Variants in INPPL1 observed in about 807,000 individuals in gnomAD.
The protein encoded by INPPL1 is inositol polyphosphate phosphatase like 1.
Under a neutral mutation model 139.3 loss-of-function variants are expected in INPPL1, and 91 were observed. That is an observed-to-expected ratio of 0.65 (90% CI 0.55 to 0.78). The LOEUF (loss-of-function observed/expected upper bound fraction) is 0.78, where lower values mean the gene tolerates loss of function less well. INPPL1 is among the 30% of genes least tolerant of loss of function. INPPL1 has a pLI of 0.00. For missense variants in INPPL1, 1,411 were observed against 1,665.6 expected (o/e 0.85, Z 2.66); for synonymous variants, 719 against 686.6 (o/e 1.05, Z -0.74).
chr11:72,233,624 CT>C (rs1948898410), intron 18 of INPPL1, 30 bp from the exon 19 acceptor site: 2 of 1,609,188 alleles, frequency 1.2e-6, no homozygotes, highest in Non-Finnish European at 8.5e-7. Context: ...AATATTCCCC[CT>C]GAGTCCCCAT....
intron 25 of INPPL1, among the ~76,000 whole-genome samples, chr11:72,236,774 C>T (rs1381262905): frequency 6.6e-6 from 1 of 152,172 alleles, no homozygotes; most frequent in Non-Finnish European, 1.5e-5. Context: ...ACTGTGGGTG[C>T]CTCAAGAGGC....
In INPPL1 at chr11:72,234,418, G is replaced by A. The variant is rs374222226; in HGVS notation, c.2326+24G>A. 10 of 1,607,556 alleles carry A rather than the reference G, an allele frequency of 6.2e-6. No homozygotes were observed. In the African/African-American group the frequency reaches 1.1e-4, roughly 17 times the overall value. Reference sequence around the variant, plus strand: ...GGGTCAGAGGCGTGGCAGGGGCTGGGTGTGGGCCAAGGAGGATGGGAGGCA... The same window carrying A: ...GGGTCAGAGGCGTGGCAGGGGCTGGATGTGGGCCAAGGAGGATGGGAGGCA... On this transcript the variant is annotated intron_variant, in intron 20 of 27. Transcript: ENST00000298229. The surrounding 1 kb of genome is among the most constrained non-coding windows in gnomAD (Gnocchi z 4.2).
rs560138893 is a variant in INPPL1 at position 72,235,053 on chromosome 11, G to A, written c.2416-63G>A. On this transcript the variant is annotated intron_variant, in intron 21 of 27. Transcript: ENST00000298229. The surrounding 1 kb of genome is among the most constrained non-coding windows in gnomAD (Gnocchi z 4.9). ...GGATTGAGTGGTGTCAGGGGGCAGC[G>A]CGTAGGAGGGGCAGGAGGAAGTGGC... 5.8e-4 allele frequency: 789 copies of A among 1,365,550 alleles called. 3 individuals are homozygous for A. The highest frequency in any genetic ancestry group is 7.6e-4 in the Admixed American group (43 of 56,772). The allele number at this position is 1,365,550 out of a possible 1,614,324, so 84.6% of individuals were successfully genotyped here. A position where few individuals can be genotyped will look rare whatever the true frequency, so the allele number is the denominator to read the frequency against.
intron 8 of INPPL1, 48 bp downstream of exon 8, chr11:72,230,067 C>T: frequency 3.1e-6 from 5 of 1,613,860 alleles, no homozygotes; most frequent in Middle Eastern, 1.6e-4. Context: ...TGGAGGTGAC[C>T]AGGGTGCTGC....
rs112903949 is a variant in INPPL1 at position 72,234,732 on chromosome 11, AGTGTGT to A, written c.2415+144_2415+149del. The A allele has an allele frequency of 9.3e-5, 49 of 528,216 alleles. No individual in the cohort carries two copies. The highest frequency in any genetic ancestry group is 1.0e-3 in the Middle Eastern group (2 of 1,996). 32.7% of individuals were successfully genotyped at this position (528,216 alleles called of 1,614,324 possible). On this transcript the variant is annotated intron_variant, in intron 21 of 27. Coordinates refer to ENST00000298229, the MANE Select transcript of INPPL1 (RefSeq NM_001567.4). The surrounding 1 kb of genome is among the most constrained non-coding windows in gnomAD (Gnocchi z 4.2). Reference sequence around the variant, plus strand: ...GGGGCCAGCAGAGAGAGAGAGAGAGAGTGTGTGTGTGTGTGTGTGTGTGTGTGTGTG... The same window carrying A: ...GGGGCCAGCAGAGAGAGAGAGAGAGAGTGTGTGTGTGTGTGTGTGTGTGTG...
chr11:72,230,302 G>C, intron 9 of INPPL1, 31 bp downstream of exon 9: 2 of 1,610,836 alleles, frequency 1.2e-6, no homozygotes, highest in Non-Finnish European at 1.7e-6. Context: ...GGAGGGGTGG[G>C]CAGGGCGGAG....
chr11:72,226,772 C>A (rs530551825), intron 1 of INPPL1, among the ~76,000 whole-genome samples: 1 of 152,146 alleles, frequency 6.6e-6, no homozygotes, highest in Non-Finnish European at 1.5e-5. Context: ...TGCTTCCCAG[C>A]CCCCTCTGAG....
chr11:72,235,049 C>A lies in INPPL1; in HGVS notation c.2416-67C>A. 1 of 1,304,908 alleles carries A rather than the reference C, an allele frequency of 7.7e-7. No homozygotes were observed. The highest frequency in any genetic ancestry group is 1.1e-6 in the Non-Finnish European group (1 of 913,986). The allele number at this position is 1,304,908 out of a possible 1,614,324, so 80.8% of individuals were successfully genotyped here. A position where few individuals can be genotyped will look rare whatever the true frequency, so the allele number is the denominator to read the frequency against. ...GTGGGGATTGAGTGGTGTCAGGGGG[C>A]AGCGCGTAGGAGGGGCAGGAGGAAG... is the stretch of plus-strand genomic sequence containing the variant. On this transcript the variant is annotated intron_variant, in intron 21 of 27. Transcript: ENST00000298229. This position sits in a 1 kb window ranked among gnomAD's most constrained non-coding sequence, Gnocchi z 4.9.
chr11:72,227,474 A>C (rs1268394144), intron 1 of INPPL1, among the ~76,000 whole-genome samples: 1 of 152,118 alleles, frequency 6.6e-6, no homozygotes, highest in African/African-American at 2.4e-5. Flanking sequence ...CAGGAGAGTC[A>C]CCTAGGGTGA....
upstream of INPPL1, chr11:72,223,798 G>A (rs1456867166): frequency 2.0e-5 from 3 of 150,834 alleles, no homozygotes; most frequent in African/African-American, 7.3e-5. Context: ...CGAGGCGCGG[G>A]GCGGGGTGAG....
In INPPL1 at chr11:72,231,147, G is replaced by A. The variant is rs756069803; in HGVS notation, c.1455G>A (p.Leu485=). ...GCGACCGCGAGTGGCTGGACCTACTGCGCGGGGGCCTCAAGGAGCTTACGG... is the reference window on the plus strand; with the variant it reads ...GCGACCGCGAGTGGCTGGACCTACTACGCGGGGGCCTCAAGGAGCTTACGG... ...SVGDREWLDL[L]RGGLKELTDL... The change falls in exon 12 of 28, where the codon CTG becomes CTA. Residue 485 remains leucine (L), a synonymous_variant. Transcript: ENST00000298229. 6.6e-5 allele frequency: 107 copies of A among 1,613,506 alleles called. No individual in the cohort carries two copies. In the Admixed American group the frequency reaches 1.8e-3, roughly 26 times the overall value.
Position 72,230,846 on chromosome 11 carries a change from C to T in INPPL1, c.1248C>T (p.Ser416=). The change falls in exon 11 of 28, where the codon TCC becomes TCT. Residue 416 remains serine (S), a synonymous_variant. Coordinates refer to ENST00000298229, the MANE Select transcript of INPPL1 (RefSeq NM_001567.4). ...QLLQLMKNKH[S]KQDEPDMISV... ...TGCAGCTCATGAAGAACAAGCACTC[C>T]AAGCAGGACGAGCCCGACATGATCT... The T allele has an allele frequency of 6.2e-7, 1 of 1,614,030 alleles. No homozygotes were observed. Among genetic ancestry groups the T allele is most frequent in the Non-Finnish European group, 8.5e-7 (1 of 1,180,006 alleles).
At position 72,234,751 on chromosome 11, in the gene INPPL1, G is replaced by GTGTGTGTGTGTGTGTGTGTGTGTT. The variant is rs1948937318; in HGVS notation, c.2415+149_2415+150insGTGTGTGTGTTTGTGTGTGTGTGT. ...AGAGAGAGTGTGTGTGTGTGTGTGT[G>GTGTGTGTGTGTGTGTGTGTGTGTT]TGTGTGTGTGTGTATGGGCATGGGC... On this transcript the variant is annotated intron_variant, in intron 21 of 27. Coordinates refer to ENST00000298229, the MANE Select transcript of INPPL1 (RefSeq NM_001567.4). The surrounding 1 kb of genome is among the most constrained non-coding windows in gnomAD (Gnocchi z 4.2). 3.1e-6 allele frequency: 2 copies of GTGTGTGTGTGTGTGTGTGTGTGTT among 646,942 alleles called. No homozygotes were observed. Among genetic ancestry groups the GTGTGTGTGTGTGTGTGTGTGTGTT allele is most frequent in the African/African-American group, 3.7e-5 (2 of 54,714 alleles). The allele number at this position is 646,942 out of a possible 1,614,324, so 40.1% of individuals were successfully genotyped here. A position where few individuals can be genotyped will look rare whatever the true frequency, so the allele number is the denominator to read the frequency against.
chr11:72,238,418 C>T lies in INPPL1; in HGVS notation c.*65C>T, dbSNP rs1166118162. ...CCTGCTACCAAGGCCCAGCTATGGC[C>T]CCAGGGTTGAAAAGTTATGAGGGTC... On this transcript the variant is annotated 3_prime_UTR_variant, in exon 28 of 28. Transcript: ENST00000298229. 2 of 1,401,366 alleles carry T rather than the reference C, an allele frequency of 1.4e-6. No homozygotes were observed. The highest frequency in any genetic ancestry group is 1.9e-6 in the Non-Finnish European group (2 of 1,044,272). 86.8% of individuals were successfully genotyped at this position (1,401,366 alleles called of 1,614,324 possible). A position where few individuals can be genotyped will look rare whatever the true frequency, so the allele number is the denominator to read the frequency against.
rs527288267 is a variant in INPPL1, at chr11:72,235,777, T to C, written c.2738+24T>C. On this transcript the variant is annotated intron_variant, in intron 24 of 27. Coordinates refer to ENST00000298229, the MANE Select transcript of INPPL1 (RefSeq NM_001567.4). The surrounding 1 kb of genome is among the most constrained non-coding windows in gnomAD (Gnocchi z 4.9). ...AGGTGAGCTAGGGCTGTGTTGAATG[T>C]CATATGAAAGGGTACCTGGGGGCAT... is the stretch of plus-strand genomic sequence containing the variant. 5 of 1,613,960 alleles carry C rather than the reference T, an allele frequency of 3.1e-6. No individual in the cohort carries two copies. The highest frequency in any genetic ancestry group is 1.6e-4 in the Middle Eastern group (1 of 6,062).
chr11:72,234,301 C>G lies in INPPL1; in HGVS notation c.2233C>G (p.Gln745Glu). The G allele has an allele frequency of 6.2e-7, 1 of 1,613,892 alleles. No homozygotes were observed. The highest frequency in any genetic ancestry group is 8.5e-7 in the Non-Finnish European group (1 of 1,179,828). The change falls in exon 20 of 28, where the codon CAG becomes GAG. Residue 745 changes from glutamine (Q) to glutamate (E), a missense_variant. Physicochemically the swap from Gln to Glu is conservative, Grantham distance 29. Around this residue, in one of 5 missense-constraint regions of INPPL1, gnomAD observed 363 missense variants for 446.2 expected, o/e 0.81. Coordinates refer to ENST00000298229, the MANE Select transcript of INPPL1 (RefSeq NM_001567.4). The surrounding 1 kb of genome is among the most constrained non-coding windows in gnomAD (Gnocchi z 4.2). ...SKKGLSKTSDQAYIEFESIEA... is the reference protein window; with the variant it reads ...SKKGLSKTSDEAYIEFESIEA... ...CTCAGGGCTCTCAAAGACTTCAGAC[C>G]AGGCCTACATTGAGTTTGAGAGCAT...
intron 12 of INPPL1, 117 bp from the exon 13 acceptor site, chr11:72,231,381 A>G: frequency 1.0e-6 from 1 of 968,114 alleles, no homozygotes; most frequent in Non-Finnish European, 1.6e-6. Context: ...GTCCGTCAGG[A>G]AGAGGGGTGG....
In INPPL1 at chr11:72,237,708, C is replaced by A. The variant is rs768570394; in HGVS notation, c.3464C>A (p.Pro1155His). The change falls in exon 26 of 28, where the codon CCC becomes CAC. Residue 1155 changes from proline to histidine, a missense_variant. Physicochemically the swap from Pro to His is moderately conservative, Grantham distance 77 (BLOSUM62 -2). Around this residue, in one of 5 missense-constraint regions of INPPL1, gnomAD observed 438 missense variants for 425.7 expected, o/e 1.03. Coordinates refer to ENST00000298229, the MANE Select transcript of INPPL1 (RefSeq NM_001567.4). ...CCAGGCCCCCTGGAGCTGCAGCCCCCCCGGGGACTGCCCTCGGACTATGGC... is the reference window on the plus strand; with the variant it reads ...CCAGGCCCCCTGGAGCTGCAGCCCCACCGGGGACTGCCCTCGGACTATGGC... The part of the protein sequence containing the change: ...LLPGPLELQP[P>H]RGLPSDYGRP... 3.7e-6 allele frequency: 6 copies of A among 1,611,684 alleles called. No individual in the cohort carries two copies. Among genetic ancestry groups the A allele is most frequent in the Admixed American group, 1.7e-5 (1 of 59,860 alleles).
chr11:72,231,027 G>A lies in INPPL1; in HGVS notation c.1335G>A (p.Trp445Ter). ...SVPPPKNVTS[W>*]FTSKGLGKTL... ...CACCTCCAAAAAACGTGACATCCTG[G>A]TTCACATCGAAGGGTCTGGGGAAGA... Residue 445 changes from tryptophan to a stop codon, truncating the protein, a stop_gained, in exon 12 of 28, where the codon TGG (tryptophan) becomes TGA (stop). Coordinates refer to ENST00000298229, the MANE Select transcript of INPPL1 (RefSeq NM_001567.4). LOFTEE classifies it high-confidence loss of function. The A allele has an allele frequency of 6.2e-7, 1 of 1,613,994 alleles. No homozygotes were observed. The highest frequency in any genetic ancestry group is 8.5e-7 in the Non-Finnish European group (1 of 1,179,968).
Sources: gnomAD v4.1 joint callset for allele counts (sites outside exome capture counted in the v4.1 genomes callset) on GRCh38, gnomAD v4.1.1 for gene constraint, gnomAD v4.1.1 regional missense constraint, Gnocchi (gnomAD v3.1) non-coding constraint, MANE v1.5 for transcripts, NCBI Gene and HGNC (gene_info 2026-07-23, HGNC 2026-07-21) for gene names.